SLC27A1: variants seen among roughly 807,000 people sequenced by gnomAD.
SLC27A1 encodes long-chain fatty acid transport protein 1.
A neutral mutation model predicts 62.2 loss-of-function variants in SLC27A1; 61 were observed. The ratio of observed to expected loss-of-function variants is 0.98; its 90% CI spans 0.80 to 1.21. The LOEUF is 1.21. SLC27A1 is among the 50% of genes most tolerant of loss of function. SLC27A1 has a pLI of 0.00. For synonymous variants in SLC27A1, 435 were observed against 408.6 expected, an observed-to-expected ratio of 1.06 and a Z score of -0.78; for missense variants, 903 against 932.1, an observed-to-expected ratio of 0.97 and a Z score of 0.41.
rs199622264 is a variant in SLC27A1, at chr19:17,486,956, G to C, written c.561G>C (p.Ala187=). The C allele has an allele frequency of 6.4e-7, 1 of 1,570,856 alleles. No individual in the cohort carries two copies. Among genetic ancestry groups the C allele is most frequent in the Non-Finnish European group, 8.6e-7 (1 of 1,165,542 alleles). The change falls in exon 2 of 12, where the codon GCG becomes GCC. Residue 187 remains alanine (A), a splice_region_variant and synonymous_variant. Coordinates refer to ENST00000252595, the MANE Select transcript of SLC27A1 (RefSeq NM_198580.3). This position sits in a 1 kb window ranked among gnomAD's most constrained non-coding sequence, Gnocchi z 6.6. Reference sequence around the variant, plus strand: ...TGATCTTTGGAGGAGAAATGGTGGCGGGTGAGGCCAGGCGTGGGCATCAGG... The same window carrying C: ...TGATCTTTGGAGGAGAAATGGTGGCCGGTGAGGCCAGGCGTGGGCATCAGG... ...KALIFGGEMV[A]AVAEVSGHLG...
chr19:17,499,218 C>T, intron 7 of SLC27A1: 1 of 181,414 alleles, frequency 5.5e-6, no homozygotes, highest in East Asian at 1.7e-4. Context: ...GGCGTCACCG[C>T]TAGACCAAGG....
upstream of SLC27A1, among the ~76,000 whole-genome samples, chr19:17,469,415 AT>A (rs1372308895): frequency 6.6e-6 from 1 of 151,102 alleles, no homozygotes; most frequent in African/African-American, 2.4e-5. Flanking sequence ...GTGGACTGGG[AT>A]ATTTTTGGTC....
At position 17,486,582 on chromosome 19, in the gene SLC27A1, C is replaced by T. The variant is rs1220747892; in HGVS notation, c.187C>T (p.Arg63Cys). 3.8e-6 allele frequency: 6 copies of T among 1,590,132 alleles called. No homozygotes were observed. The highest frequency in any genetic ancestry group is 1.8e-4 in the Middle Eastern group (1 of 5,568). ...RDLFGLSVLI[R>C]VRLELRRHQR... ...TCCCAGCGGTCTCTCTGTGCTGATC[C>T]GCGTGCGCCTGGAGCTGCGGCGGCA... Residue 63 changes from arginine to cysteine, a missense_variant, in exon 2 of 12, where the codon CGC (arginine) becomes TGC (cysteine). Coordinates refer to ENST00000252595, the MANE Select transcript of SLC27A1 (RefSeq NM_198580.3). The surrounding 1 kb of genome is among the most constrained non-coding windows in gnomAD (Gnocchi z 6.6).
intron 4 of SLC27A1, 138 bp downstream of exon 4, chr19:17,487,667 C>A: frequency 1.2e-6 from 1 of 848,464 alleles, no homozygotes; most frequent in Non-Finnish European, 1.9e-6. Context: ...GTTTCCTGAG[C>A]ACTTGCTCTG....
In SLC27A1 at chr19:17,501,325, G is replaced by A; in HGVS notation, c.1689G>A (p.Leu563=). 1 of 1,613,992 alleles carries A rather than the reference G, an allele frequency of 6.2e-7. No individual in the cohort carries two copies. Residue 563 remains leucine, a synonymous_variant, in exon 11 of 12, where the codon CTG becomes CTA. Transcript: ENST00000252595. ...CCGTCGCAGACCCCCACAGCCTGCT[G>A]GACCCCAACGCGATATACCAGGAGC... The part of the protein sequence containing the change: ...MAAVADPHSL[L]DPNAIYQELQ...
rs10418594 is a variant in SLC27A1 at position 17,505,106 on chromosome 19, T to C, written c.*494T>C. 197,026 of 353,336 alleles carry C rather than the reference T, an allele frequency of 0.56. 56,831 individuals are homozygous for C. The highest frequency in any genetic ancestry group is 0.78 in the African/African-American group (36,475 of 46,638). The allele number at this position is 353,336 out of a possible 1,614,324, so 21.9% of individuals were successfully genotyped here. On this transcript the variant is annotated 3_prime_UTR_variant, in exon 12 of 12. Coordinates refer to ENST00000252595, the MANE Select transcript of SLC27A1 (RefSeq NM_198580.3). ...ACGGGGTTTCACCATGTTGGTCAGG[T>C]TGGTCTTGAACTCCTGACCTCAGGT... is the stretch of plus-strand genomic sequence containing the variant.
intron 1 of SLC27A1, among the ~76,000 whole-genome samples, chr19:17,479,414 G>GC (rs2075154292): frequency 6.6e-6 from 1 of 152,164 alleles, no homozygotes; most frequent in Non-Finnish European, 1.5e-5. Flanking sequence ...TCAGCCTGCA[G>GC]CGGGGGGCCC....
intron 1 of SLC27A1, among the ~76,000 whole-genome samples, chr19:17,477,240 C>CTTTTTTTTTTTTTTTTTTTGTTTTTTT (rs2075132603): frequency 2.3e-5 from 1 of 43,808 alleles, no homozygotes; most frequent in Non-Finnish European, 4.0e-5. Context: ...ATGAGCAGCG[C>CTTTTTTTTTTTTTTTTTTTGTTTTTTT]TTTTTTTTTT....
chr19:17,497,574 C>A, intron 7 of SLC27A1, 110 bp downstream of exon 7: 1 of 1,043,370 alleles, frequency 9.6e-7, no homozygotes, highest in Non-Finnish European at 1.4e-6. Context: ...GCGCGGAAGG[C>A]TCCGCCAAGG....
rs779642909 is a variant in SLC27A1, at chr19:17,501,302, G to A, written c.1666G>A (p.Val556Ile). 117 of 1,613,640 alleles carry A rather than the reference G, an allele frequency of 7.3e-5. No homozygotes were observed. The highest frequency in any genetic ancestry group is 6.7e-4 in the Middle Eastern group (4 of 5,966). Residue 556 changes from valine (V) to isoleucine (I), a missense_variant, in exon 11 of 12, where the codon GTC becomes ATC. Coordinates refer to ENST00000252595, the MANE Select transcript of SLC27A1 (RefSeq NM_198580.3). ...GVEGKAGMAA[V>I]ADPHSLLDPN... is the part of the protein sequence containing the mutation. ...GGAGGGTAAGGCAGGGATGGCGGCC[G>A]TCGCAGACCCCCACAGCCTGCTGGA...
chr19:17,484,961 T>A (rs766784452), intron 1 of SLC27A1, among the ~76,000 whole-genome samples: 15 of 152,004 alleles, frequency 9.9e-5, no homozygotes, highest in Non-Finnish European at 1.6e-4. Context: ...CTGCCCTGTG[T>A]TGGTCAGGGC....
At chr19:17,488,226 G>T (rs1287549027) in intron 4 of SLC27A1, among the ~76,000 whole-genome samples, 2 of 152,220 alleles carry the variant, frequency 1.3e-5, no homozygotes, top group Non-Finnish European at 2.9e-5. Context: ...GGGCGTGGTG[G>T]CACATGACTG....
At chr19:17,499,846 G>A (rs1440640101) in intron 7 of SLC27A1, 3 of 161,964 alleles carry the variant, frequency 1.9e-5, no homozygotes, top group African/African-American at 7.3e-5. Flanking sequence ...AGGAACGGAG[G>A]AAGGGGGAAA....
chr19:17,486,433 CA>C lies in SLC27A1; in HGVS notation c.168-126del. 1 of 1,143,636 alleles carries C rather than the reference CA, an allele frequency of 8.7e-7. No homozygotes were observed. Among genetic ancestry groups the C allele is most frequent in the Non-Finnish European group, 1.2e-6 (1 of 835,706 alleles). The allele number at this position is 1,143,636 out of a possible 1,614,324, so 70.8% of individuals were successfully genotyped here. On this transcript the variant is annotated intron_variant, in intron 1 of 11. Coordinates refer to ENST00000252595, the MANE Select transcript of SLC27A1 (RefSeq NM_198580.3). This position sits in a 1 kb window ranked among gnomAD's most constrained non-coding sequence, Gnocchi z 6.6. ...TTGGTCCACTGAGAGATCCAGCCAC[CA>C]AAAGTTTCACCATAGACCTCATCAA...
chr19:17,472,727 G>A (rs991202818), intron 1 of SLC27A1, among the ~76,000 whole-genome samples: 1 of 151,900 alleles, frequency 6.6e-6, no homozygotes, highest in African/African-American at 2.4e-5. Flanking sequence ...GGGTTTCACC[G>A]TATTAACCAG....
intron 11 of SLC27A1, among the ~76,000 whole-genome samples, chr19:17,503,027 C>CT (rs989361189): frequency 6.6e-6 from 1 of 152,140 alleles, no homozygotes; most frequent in Non-Finnish European, 1.5e-5. Flanking sequence ...AGCAAAGGGA[C>CT]TTTTTAATGG....
At chr19:17,500,926 T>C in intron 10 of SLC27A1, 50 bp downstream of exon 10, 1 of 1,533,400 alleles carries the variant, frequency 6.5e-7, no homozygotes, top group Admixed American at 2.3e-5. Flanking sequence ...CTGAGGGAGC[T>C]CAGCCAAAAG....
At chr19:17,502,716 T>G (rs951519641) in intron 11 of SLC27A1, among the ~76,000 whole-genome samples, 2 of 151,964 alleles carry the variant, frequency 1.3e-5, no homozygotes, top group Non-Finnish European at 2.9e-5. Context: ...GACAGGGTCT[T>G]ACTCTGTTGC....
rs747920479 is a variant in SLC27A1 at position 17,504,468 on chromosome 19, C to G, written c.1797C>G (p.Ile599Met). ...TCCCCACTATAGGCACCTTCAAGATCCAGAAGACGAGGCTGCAGCGAGAGG... is the reference window on the plus strand; with the variant it reads ...TCCCCACTATAGGCACCTTCAAGATGCAGAAGACGAGGCTGCAGCGAGAGG... ...PQVDTTGTFK[I>M]QKTRLQREGF... Residue 599 changes from isoleucine to methionine, a missense_variant, in exon 12 of 12, where the codon ATC becomes ATG. Ile to Met is a conservative substitution (Grantham distance 10). Transcript: ENST00000252595. 14 of 1,614,174 alleles carry G rather than the reference C, an allele frequency of 8.7e-6. 1 individual carries two copies. Among genetic ancestry groups the G allele is most frequent in the Non-Finnish European group, 1.2e-5 (14 of 1,180,036 alleles).
Sources: allele counts gnomAD v4.1 joint callset (sites outside exome capture counted in the v4.1 genomes callset), GRCh38; gene constraint gnomAD v4.1.1; non-coding constraint Gnocchi (gnomAD v3.1); transcripts MANE v1.5; gene names NCBI Gene and HGNC (gene_info 2026-07-23, HGNC 2026-07-21).